TACC2: variants seen among roughly 807,000 people sequenced by gnomAD.
TACC2 encodes the protein transforming acidic coiled-coil containing protein 2.
In TACC2, 137 loss-of-function variants were observed where a neutral mutation model predicts 227.3. The observed-to-expected ratio is 0.60, with a 90% CI of 0.52 to 0.69. The LOEUF is 0.69. Ranked by LOEUF, TACC2 falls within the 30% of genes least tolerant of loss-of-function variation. TACC2 has a pLI of 0.00. For synonymous variants in TACC2, 1,523 were observed against 1,487.5 expected (o/e 1.02, Z -0.55); for missense variants, 3,470 against 3,694.4 (o/e 0.94, Z 1.57).
At chr10:122,232,712 C>T (rs4366423) in intron 16 of TACC2, among the ~76,000 whole-genome samples, 13,679 of 152,128 alleles carry the variant, frequency 0.09, 1,754 homozygotes, top group African/African-American at 0.29. Flanking sequence ...GCTACCCAGC[C>T]CGAGGGTGGT....
intron 2 of TACC2, among the ~76,000 whole-genome samples, chr10:122,026,027 A>G (rs1055555333): frequency 2.6e-5 from 4 of 151,482 alleles, no homozygotes; most frequent in African/African-American, 9.7e-5. Flanking sequence ...GCAAAAGAGT[A>G]TAATTTTGAG....
chr10:122,170,456 A>G (rs1021446609), intron 7 of TACC2, among the ~76,000 whole-genome samples: 1 of 151,526 alleles, frequency 6.6e-6, no homozygotes, highest in Admixed American at 6.6e-5. Context: ...TTTTTAGTAG[A>G]GACGGGGTTT....
In TACC2 at chr10:122,087,752, G is replaced by T. The variant is rs765645451; in HGVS notation, c.5252G>T (p.Cys1751Phe). 2.2e-5 allele frequency: 36 copies of T among 1,610,896 alleles called. No homozygotes were observed. Among genetic ancestry groups the T allele is most frequent in the Non-Finnish European group, 2.9e-5 (34 of 1,178,886 alleles). The change falls in exon 4 of 23, where the codon TGC becomes TTC. Residue 1751 changes from cysteine (C) to phenylalanine (F), a missense_variant. Cys to Phe is a radical substitution (Grantham distance 205). Around this residue, in one of 10 missense-constraint regions of TACC2, gnomAD observed 1,924 missense variants for 1,978.3 expected, o/e 0.97. Transcript: ENST00000369005. ...VLPGSCQDPACSDKAPGMEGT... is the reference protein window; with the variant it reads ...VLPGSCQDPAFSDKAPGMEGT... ...CCAGGAAGCTGTCAGGACCCAGCCTGCTCTGACAAGGCTCCGGGGATGGAG... is the reference window on the plus strand; with the variant it reads ...CCAGGAAGCTGTCAGGACCCAGCCTTCTCTGACAAGGCTCCGGGGATGGAG...
Position 122,083,636 on chromosome 10 carries a change from G to A in TACC2, c.1136G>A (p.Gly379Glu). 1.2e-6 allele frequency: 2 copies of A among 1,611,206 alleles called. No homozygotes were observed. Among genetic ancestry groups the A allele is most frequent in the Non-Finnish European group, 1.7e-6 (2 of 1,180,018 alleles). The change falls in exon 4 of 23, where the codon GGG becomes GAG. Residue 379 changes from glycine to glutamate, a missense_variant. Around this residue, in one of 10 missense-constraint regions of TACC2, gnomAD observed 1,924 missense variants for 1,978.3 expected, o/e 0.97. Coordinates refer to ENST00000369005, the MANE Select transcript of TACC2 (RefSeq NM_206862.4). ...TIDVQGHPQT[G>E]MRGTKPNQVV... The stretch of plus-strand genomic sequence containing the variant: ...GATGTTCAGGGTCACCCACAGACAG[G>A]GATGCGAGGAACCAAGCCCAATCAA...
intron 19 of TACC2, among the ~76,000 whole-genome samples, chr10:122,245,962 G>C (rs2096107493): frequency 6.7e-6 from 1 of 149,918 alleles, no homozygotes; most frequent in South Asian, 2.1e-4. Context: ...CACTGGCCTG[G>C]GCAGCTCTGG....
chr10:122,165,358 A>G (rs1198536959), intron 7 of TACC2, among the ~76,000 whole-genome samples: 2 of 152,206 alleles, frequency 1.3e-5, no homozygotes, highest in Admixed American at 6.5e-5. Context: ...GCTCAGACCT[A>G]TCTAGTGAAG....
At chr10:122,165,949 T>C (rs967549395) in intron 7 of TACC2, among the ~76,000 whole-genome samples, 2 of 152,246 alleles carry the variant, frequency 1.3e-5, no homozygotes, top group Admixed American at 6.5e-5. Flanking sequence ...TTTAAAAATA[T>C]ATATTCGGAG....
chr10:122,117,377 TAG>T (rs2138260961), intron 5 of TACC2, among the ~76,000 whole-genome samples: 1 of 152,076 alleles, frequency 6.6e-6, no homozygotes, highest in South Asian at 2.1e-4. Flanking sequence ...GTATTTTTAG[TAG>T]AGACGGGGAT....
intron 5 of TACC2, among the ~76,000 whole-genome samples, chr10:122,102,238 C>T (rs73370173): frequency 0.011 from 1,600 of 152,252 alleles, 29 homozygotes; most frequent in African/African-American, 0.035. Context: ...CCAGAGCTTC[C>T]GGTTTAATGG....
intron 5 of TACC2, among the ~76,000 whole-genome samples, chr10:122,102,561 T>C (rs957625429): frequency 6.6e-6 from 1 of 152,246 alleles, no homozygotes; most frequent in Non-Finnish European, 1.5e-5. Context: ...AAGTTGTTTT[T>C]CTGCCAGAGA....
At chr10:122,212,998 C>T (rs2095328437) in intron 9 of TACC2, among the ~76,000 whole-genome samples, 2 of 152,202 alleles carry the variant, frequency 1.3e-5, no homozygotes, top group Admixed American at 1.3e-4. Context: ...AAGATATGTT[C>T]TGTGTCTCAT....
At position 122,086,377 on chromosome 10, in the gene TACC2, C is replaced by G; in HGVS notation, c.3877C>G (p.Pro1293Ala). Residue 1293 changes from proline to alanine, a missense_variant, in exon 4 of 23, where the codon CCC becomes GCC. Transcript: ENST00000369005. Reference sequence around the variant, plus strand: ...GAAGCTGTTTGCTGGCTCCCTCGCCCCCCTGTTGCAACCAGGAGCTGCAGG... The same window carrying G: ...GAAGCTGTTTGCTGGCTCCCTCGCCGCCCTGTTGCAACCAGGAGCTGCAGG... Reference protein sequence around the residue: ...SLKLFAGSLAPLLQPGAAGGE... With the variant: ...SLKLFAGSLAALLQPGAAGGE... 1 of 1,613,660 alleles carries G rather than the reference C, an allele frequency of 6.2e-7. No homozygotes were observed. Among genetic ancestry groups the G allele is most frequent in the Non-Finnish European group, 8.5e-7 (1 of 1,180,006 alleles).
rs113051446 is a variant in TACC2, at chr10:122,037,530, C to T, written c.34-12908C>T. Among the ~76,000 whole-genome samples the T allele has an allele frequency of 2.7e-3, 406 of 152,316 alleles. 3 individuals are homozygous for T. The highest frequency in any genetic ancestry group is 8.7e-3 in the African/African-American group (360 of 41,572). Reference sequence around the variant, plus strand: ...TCAGCCAGACTGAGCTCCCCATAACCGGCCAATTGGAAACTGACAAGCGAA... The same window carrying T: ...TCAGCCAGACTGAGCTCCCCATAACTGGCCAATTGGAAACTGACAAGCGAA... On this transcript the variant is annotated intron_variant, in intron 2 of 22. Coordinates refer to ENST00000369005, the MANE Select transcript of TACC2 (RefSeq NM_206862.4).
intron 2 of TACC2, among the ~76,000 whole-genome samples, chr10:122,040,325 G>C (rs931677056): frequency 7.2e-5 from 11 of 152,194 alleles, no homozygotes; most frequent in Admixed American, 4.6e-4. Flanking sequence ...CTCTGGGAAA[G>C]AGGTGGTGGT....
chr10:122,123,844 A>C (rs1592281020), intron 5 of TACC2, among the ~76,000 whole-genome samples: 3 of 109,620 alleles, frequency 2.7e-5, no homozygotes, highest in African/African-American at 7.1e-5. Context: ...GCGGAGTTTC[A>C]CTCTTCTTGC....
chr10:122,058,448 C>T (rs561300458), intron 3 of TACC2, among the ~76,000 whole-genome samples: 5 of 152,232 alleles, frequency 3.3e-5, no homozygotes, highest in East Asian at 1.9e-4. Context: ...CTCACTCTGT[C>T]GCCAGACAGG....
Position 122,194,437 on chromosome 10 carries a change from G to T in TACC2, c.5835-603G>T, listed in dbSNP as rs968275200. On this transcript the variant is annotated intron_variant, in intron 7 of 22. Transcript: ENST00000369005. This position sits in a 1 kb window ranked among gnomAD's most constrained non-coding sequence, Gnocchi z 4.4. ...GGTCTGATGCACCCTCTGCCTGGCC[G>T]GCTTGCTGGCTTCCTTCGTTCACTC... 2.0e-5 allele frequency among the ~76,000 whole-genome samples: 3 copies of T among 152,180 alleles called. No homozygotes were observed. Among genetic ancestry groups the T allele is most frequent in the Non-Finnish European group, 4.4e-5 (3 of 68,040 alleles).
intron 9 of TACC2, among the ~76,000 whole-genome samples, chr10:122,215,190 C>T (rs886788866): frequency 6.6e-6 from 1 of 152,128 alleles, no homozygotes; most frequent in African/African-American, 2.4e-5. Flanking sequence ...TGGATCTTTC[C>T]CTTGGGGGCA....
rs370221732 is a variant in TACC2 at position 122,187,237 on chromosome 10, G to A, written c.5835-7803G>A. Among the ~76,000 whole-genome samples the A allele has an allele frequency of 6.8e-4, 103 of 152,320 alleles. No homozygotes were observed. In the South Asian group the frequency reaches 0.02, roughly 30 times the overall value. ...TGCCACACTGAGCCCCCTTCATTCT[G>A]GAAGCAGTCCCTTGGCCCTGGACCT... On this transcript the variant is annotated intron_variant, in intron 7 of 22. Coordinates refer to ENST00000369005, the MANE Select transcript of TACC2 (RefSeq NM_206862.4).
Sources: gnomAD v4.1 joint callset for allele counts (sites outside exome capture counted in the v4.1 genomes callset) on GRCh38, gnomAD v4.1.1 for gene constraint, gnomAD v4.1.1 regional missense constraint, Gnocchi (gnomAD v3.1) non-coding constraint, MANE v1.5 for transcripts, NCBI Gene and HGNC (gene_info 2026-07-23, HGNC 2026-07-21) for gene names.